ZNF724: variants seen among roughly 807,000 people sequenced by gnomAD.
The protein encoded by ZNF724 is zinc finger protein 724 pseudogene.
ZNF724 carries 14 observed loss-of-function variants against 29.3 expected under a neutral mutation model. That is an observed-to-expected ratio of 0.48 (90% CI 0.32 to 0.75). The LOEUF is 0.75. Ranked by LOEUF, ZNF724 falls within the 30% of genes least tolerant of loss-of-function variation. The pLI is 0.04. For missense variants in ZNF724, 557 were observed against 571.2 expected, an observed-to-expected ratio of 0.98 and a Z score of 0.25; for synonymous variants, 180 against 193.6, an observed-to-expected ratio of 0.93 and a Z score of 0.58.
chr19:23,229,421 T>G (rs959076579), intron 3 of ZNF724, among the ~76,000 whole-genome samples: 1 of 152,084 alleles, frequency 6.6e-6, no homozygotes, highest in Non-Finnish European at 1.5e-5. Flanking sequence ...ATGACTCAGT[T>G]CAAGGCCAGT....
At chr19:23,238,785 G>T (rs1309620859) in intron 1 of ZNF724, among the ~76,000 whole-genome samples, 3 of 152,254 alleles carry the variant, frequency 2.0e-5, no homozygotes, top group African/African-American at 2.4e-5. Context: ...GCATGCACCT[G>T]TAATCCCACT....
intron 3 of ZNF724, among the ~76,000 whole-genome samples, chr19:23,229,373 A>C (rs1395810401): frequency 2.0e-5 from 3 of 152,180 alleles, no homozygotes; most frequent in Non-Finnish European, 2.9e-5. Context: ...GCAGGTTTGC[A>C]AGACCTTAGC....
chr19:23,225,362 TGG>T, intron 3 of ZNF724, among the ~76,000 whole-genome samples: 1 of 152,070 alleles, frequency 6.6e-6, no homozygotes, highest in Non-Finnish European at 1.5e-5. Flanking sequence ...CCTAGCACTT[TGG>T]GAGGCAGAAG....
intron 1 of ZNF724, among the ~76,000 whole-genome samples, chr19:23,239,125 G>C (rs1447272199): frequency 6.7e-6 from 1 of 150,286 alleles, no homozygotes; most frequent in East Asian, 1.9e-4. Flanking sequence ...CACAATAATA[G>C]TGGGAGACTA....
intron 1 of ZNF724, among the ~76,000 whole-genome samples, chr19:23,248,766 C>T (rs1429567329): frequency 1.3e-5 from 2 of 151,620 alleles, no homozygotes; most frequent in East Asian, 1.9e-4. Context: ...AGGCTGAGGC[C>T]GGTGGATCAC....
intron 3 of ZNF724, among the ~76,000 whole-genome samples, chr19:23,225,235 G>A (rs999918908): frequency 6.6e-6 from 1 of 152,110 alleles, no homozygotes; most frequent in Non-Finnish European, 1.5e-5. Context: ...AAAGGCTGAA[G>A]TAACCCAGAT....
At position 23,222,326 on chromosome 19, in the gene ZNF724, C is replaced by T. The variant is rs1346755192; in HGVS notation, c.*59G>A. 1 of 715,370 alleles carries T rather than the reference C, an allele frequency of 1.4e-6. No individual in the cohort carries two copies. The highest frequency in any genetic ancestry group is 1.8e-5 in the African/African-American group (1 of 56,356). 44.3% of individuals were successfully genotyped at this position (715,370 alleles called of 1,614,324 possible). ...TCTCTTGATCTTGTGATCCACCCGCCTTGGCCTCCCAAAGTGCTGGGATTA... is the reference window on the plus strand; with the variant it reads ...TCTCTTGATCTTGTGATCCACCCGCTTTGGCCTCCCAAAGTGCTGGGATTA... On this transcript the variant is annotated 3_prime_UTR_variant, in exon 4 of 4. Transcript: ENST00000418100.
chr19:23,228,670 C>T (rs1246331752), intron 3 of ZNF724, among the ~76,000 whole-genome samples: 4 of 151,918 alleles, frequency 2.6e-5, no homozygotes, highest in Admixed American at 1.3e-4. Context: ...GAGGCTAAGG[C>T]GGGAGGATCA....
rs546858083 is a variant in ZNF724 at position 23,248,636 on chromosome 19, C to T, written c.3+1604G>A. Among the ~76,000 whole-genome samples the T allele has an allele frequency of 4.0e-5, 6 of 151,178 alleles. No homozygotes were observed. The East Asian group carries it at 5.8e-4, about 15-fold the overall frequency. ...AGAGGAAACAAAATTCAGGCTTAACCGACTATAAACTGTCAATTAAGCTCC... is the reference window on the plus strand; with the variant it reads ...AGAGGAAACAAAATTCAGGCTTAACTGACTATAAACTGTCAATTAAGCTCC... On this transcript the variant is annotated intron_variant, in intron 1 of 3. Transcript: ENST00000418100.
At chr19:23,224,574 G>A (rs1300888011) in intron 3 of ZNF724, among the ~76,000 whole-genome samples, 6 of 152,066 alleles carry the variant, frequency 3.9e-5, no homozygotes, top group African/African-American at 1.4e-4. Context: ...TGAGTACAAT[G>A]CAAAGAGCCA....
intron 3 of ZNF724, among the ~76,000 whole-genome samples, chr19:23,225,525 G>A (rs1012988252): frequency 1.3e-5 from 2 of 152,090 alleles, no homozygotes; most frequent in Non-Finnish European, 2.9e-5. Flanking sequence ...AGAATTGCCT[G>A]AACCTGGGAG....
chr19:23,245,796 T>C (rs376337144), intron 1 of ZNF724, among the ~76,000 whole-genome samples: 26 of 152,210 alleles, frequency 1.7e-4, no homozygotes, highest in African/African-American at 6.3e-4. Context: ...CAATACTCCT[T>C]TGGAACTTAA....
chr19:23,250,246 T>G lies in ZNF724; in HGVS notation c.-4A>C, dbSNP rs1972328950. 1.5e-6 allele frequency: 1 copy of G among 689,158 alleles called. No individual in the cohort carries two copies. The highest frequency in any genetic ancestry group is 2.5e-6 in the Non-Finnish European group (1 of 397,616). The allele number at this position is 689,158 out of a possible 1,614,324, so 42.7% of individuals were successfully genotyped here. A position where few individuals can be genotyped will look rare whatever the true frequency, so the allele number is the denominator to read the frequency against. ...TCGGAGCCGCCACTCTCACCATTTC[T>G]AGGCTTCCAGGGGAGGCCCTGGCGT... On this transcript the variant is annotated 5_prime_UTR_variant, in exon 1 of 4. Coordinates refer to ENST00000418100, the MANE Select transcript of ZNF724 (RefSeq NM_001355404.2).
chr19:23,241,655 T>A (rs552242052), intron 1 of ZNF724, among the ~76,000 whole-genome samples: 1 of 152,268 alleles, frequency 6.6e-6, no homozygotes, highest in East Asian at 1.9e-4. Flanking sequence ...ATTATCTCAA[T>A]AGATGCAGAA....
chr19:23,228,992 G>A (rs2145776451), intron 3 of ZNF724, among the ~76,000 whole-genome samples: 1 of 152,138 alleles, frequency 6.6e-6, no homozygotes, highest in Middle Eastern at 3.4e-3. Context: ...GAACCTGGGA[G>A]GCGGAGGTTA....
chr19:23,237,886 A>T (rs1000760996), intron 1 of ZNF724, among the ~76,000 whole-genome samples: 2 of 152,198 alleles, frequency 1.3e-5, no homozygotes, highest in Non-Finnish European at 2.9e-5. Context: ...TTTGCAGTGT[A>T]AGTACTTCAG....
At chr19:23,227,423 G>A (rs1971852645) in intron 3 of ZNF724, among the ~76,000 whole-genome samples, 1 of 151,624 alleles carries the variant, frequency 6.6e-6, no homozygotes, top group African/African-American at 2.4e-5. Flanking sequence ...AGGCGTGGTG[G>A]TGCATGTCTG....
intron 1 of ZNF724, among the ~76,000 whole-genome samples, chr19:23,242,025 CAA>C (rs1972132370): frequency 6.6e-6 from 1 of 152,116 alleles, no homozygotes; most frequent in Admixed American, 6.6e-5. Flanking sequence ...ACAACTTCTG[CAA>C]AGTTTCAAAA....
Position 23,222,494 on chromosome 19 carries a change from T to G in ZNF724, c.1751A>C (p.His584Pro). 1 of 1,310,026 alleles carries G rather than the reference T, an allele frequency of 7.6e-7. No homozygotes were observed. The highest frequency in any genetic ancestry group is 1.2e-5 in the South Asian group (1 of 84,520). The allele number at this position is 1,310,026 out of a possible 1,614,324, so 81.2% of individuals were successfully genotyped here. Residue 584 changes from histidine (H) to proline (P), a missense_variant, in exon 4 of 4, where the codon CAT becomes CCT. By Grantham distance (77) the His-to-Pro change is moderately conservative. This residue lies in a region of ZNF724 where 170 missense variants were observed against 220.7 expected (regional missense o/e 0.77). Coordinates refer to ENST00000418100, the MANE Select transcript of ZNF724 (RefSeq NM_001355404.2). The stretch of plus-strand genomic sequence containing the variant: ...ACATTTGTAGGGTTTCTCTCCAGTA[T>G]GAATTACCTTATGTTTAGTCAGAGT... ...SSTLTKHKVI[H>P]TGEKPYKCKE...
Sources: gnomAD v4.1 joint callset for allele counts (sites outside exome capture counted in the v4.1 genomes callset) on GRCh38, gnomAD v4.1.1 for gene constraint, gnomAD v4.1.1 regional missense constraint, MANE v1.5 for transcripts, NCBI Gene and HGNC (gene_info 2026-07-23, HGNC 2026-07-21) for gene names.